Variants in CPA4 observed in about 807,000 individuals in gnomAD.
CPA4 encodes carboxypeptidase A4, also known as carboxypeptidase A3.
Under a neutral mutation model 54.7 loss-of-function variants are expected in CPA4, and 49 were observed. The ratio of observed to expected loss-of-function variants is 0.90; its 90% CI spans 0.71 to 1.14. CPA4 has a LOEUF of 1.14. CPA4 is among the 50% of genes most tolerant of loss of function. The pLI is 0.00. For missense variants in CPA4, 487 were observed against 525.1 expected (o/e 0.93, Z 0.71); for synonymous variants, 215 against 206.8 (o/e 1.04, Z -0.34).
chr7:130,306,281 G>A (rs1415288965), intron 6 of CPA4: 1 of 291,338 alleles, frequency 3.4e-6, no homozygotes, highest in Non-Finnish European at 6.5e-6. Context: ...GCAGCAGGAG[G>A]CTGAGGCAGG....
chr7:130,313,901 T>C (rs1793951117), intron 10 of CPA4, among the ~76,000 whole-genome samples: 1 of 152,234 alleles, frequency 6.6e-6, no homozygotes, highest in South Asian at 2.1e-4. Flanking sequence ...GGGGTGTTTT[T>C]TCTTTCTTGT....
chr7:130,315,112 G>A (rs1465651502), intron 10 of CPA4, among the ~76,000 whole-genome samples: 1 of 152,044 alleles, frequency 6.6e-6, no homozygotes, highest in Non-Finnish European at 1.5e-5. Flanking sequence ...GTGTGAGGGG[G>A]GGAATTGGGG....
At chr7:130,305,122 A>G (rs1441163790) in intron 5 of CPA4, among the ~76,000 whole-genome samples, 2 of 152,222 alleles carry the variant, frequency 1.3e-5, no homozygotes, top group African/African-American at 4.8e-5. Flanking sequence ...AATGAATAAG[A>G]AGGAATTTGG....
intron 10 of CPA4, among the ~76,000 whole-genome samples, chr7:130,313,515 T>C (rs1333305128): frequency 6.6e-6 from 1 of 152,160 alleles, no homozygotes; most frequent in Non-Finnish European, 1.5e-5. Context: ...AGGAGTCTAG[T>C]TGGTCTTGGG....
rs142266205 is a variant in CPA4 at position 130,311,937 on chromosome 7, G to T, written c.994-101G>T. 1,746 of 848,836 alleles carry T rather than the reference G, an allele frequency of 2.1e-3. 16 individuals are homozygous for T. Among genetic ancestry groups the T allele is most frequent in the Middle Eastern group, 4.4e-3 (13 of 2,982 alleles). 52.6% of individuals were successfully genotyped at this position (848,836 alleles called of 1,614,324 possible). A position where few individuals can be genotyped will look rare whatever the true frequency, so the allele number is the denominator to read the frequency against. On this transcript the variant is annotated intron_variant, in intron 9 of 10. Transcript: ENST00000222482. Reference sequence around the variant, plus strand: ...AACAAGGGACCAGAAAGGAAATCGGGGGGGGCTGAGAATCTTCCAAACCAT... The same window carrying T: ...AACAAGGGACCAGAAAGGAAATCGGTGGGGGCTGAGAATCTTCCAAACCAT...
chr7:130,295,848 G>T (rs899269267), intron 1 of CPA4, among the ~76,000 whole-genome samples: 1 of 152,148 alleles, frequency 6.6e-6, no homozygotes, highest in African/African-American at 2.4e-5. Flanking sequence ...GCGTGGAGGT[G>T]CATGCCTGCA....
rs1024545830 is a variant in CPA4, at chr7:130,293,193, C to G, written c.13C>G (p.Leu5Val). Residue 5 changes from leucine (L) to valine (V), a missense_variant, in exon 1 of 11, where the codon CTG (leucine) becomes GTG (valine). Coordinates refer to ENST00000222482, the MANE Select transcript of CPA4 (RefSeq NM_016352.4). MRWI[L>V]FIGALIGSSI... Reference sequence around the variant, plus strand: ...ACTCCCCGGGGACATGAGGTGGATACTGTTCATTGGGGCCCTTATTGGGTC... The same window carrying G: ...ACTCCCCGGGGACATGAGGTGGATAGTGTTCATTGGGGCCCTTATTGGGTC... 1.2e-5 allele frequency: 19 copies of G among 1,610,856 alleles called. No individual in the cohort carries two copies. Among genetic ancestry groups the G allele is most frequent in the Non-Finnish European group, 1.6e-5 (19 of 1,177,208 alleles).
At position 130,299,337 on chromosome 7, in the gene CPA4, T is replaced by C. The variant is rs756098324; in HGVS notation, c.218T>C (p.Leu73Pro). 8.7e-6 allele frequency: 14 copies of C among 1,613,444 alleles called. No individual in the cohort carries two copies. Among genetic ancestry groups the C allele is most frequent in the Non-Finnish European group, 1.2e-5 (14 of 1,179,412 alleles). ...PVDVLVPSVS[L>P]QAFKSFLRSQ... ...GATGTCCTGGTCCCATCTGTCAGTC[T>C]GCAGGCATTTAAATCCTTCCTGAGA... Residue 73 changes from leucine (L) to proline (P), a missense_variant, in exon 3 of 11, where the codon CTG becomes CCG. Coordinates refer to ENST00000222482, the MANE Select transcript of CPA4 (RefSeq NM_016352.4).
Position 130,303,911 on chromosome 7 carries a change from G to T in CPA4, c.385-567G>T, listed in dbSNP as rs542590261. 2.0e-5 allele frequency among the ~76,000 whole-genome samples: 3 copies of T among 151,382 alleles called. No individual in the cohort carries two copies. The East Asian group carries it at 5.8e-4, about 29-fold the overall frequency. On this transcript the variant is annotated intron_variant, in intron 4 of 10. Coordinates refer to ENST00000222482, the MANE Select transcript of CPA4 (RefSeq NM_016352.4). ...CCCACCTTGGCCTCCCAAAGTGTTG[G>T]GATTATAGGCATGAGCCACTGCACC...
chr7:130,310,534 T>C lies in CPA4; in HGVS notation c.794-253T>C, dbSNP rs1793894753. ...TCTCAAGGGTGATATTAATTATTTA[T>C]GACAACTGCTATTGGTACAAGGCAA... On this transcript the variant is annotated intron_variant, in intron 8 of 10. Coordinates refer to ENST00000222482, the MANE Select transcript of CPA4 (RefSeq NM_016352.4). This position sits in a 1 kb window ranked among gnomAD's most constrained non-coding sequence, Gnocchi z 4.3. Among the ~76,000 whole-genome samples the C allele has an allele frequency of 6.6e-6, 1 of 152,230 alleles. No homozygotes were observed. Among genetic ancestry groups the C allele is most frequent in the African/African-American group, 2.4e-5 (1 of 41,466 alleles).
chr7:130,304,235 T>C (rs1284352752), intron 4 of CPA4, among the ~76,000 whole-genome samples: 1 of 152,162 alleles, frequency 6.6e-6, no homozygotes, highest in African/African-American at 2.4e-5. Flanking sequence ...TGCAAAAGCC[T>C]CTCTACTCTA....
chr7:130,297,859 G>T (rs543146974), intron 1 of CPA4, among the ~76,000 whole-genome samples: 1 of 152,322 alleles, frequency 6.6e-6, no homozygotes, highest in South Asian at 2.1e-4. Context: ...CCAGCTGAGA[G>T]CATAAAGGCA....
At chr7:130,311,922 C>A (rs1280578089) in intron 9 of CPA4, 116 bp from the exon 10 acceptor site, 1 of 753,094 alleles carries the variant, frequency 1.3e-6, no homozygotes. Flanking sequence ...AACAAGGGAC[C>A]AGAAAGGAAA....
chr7:130,298,914 C>T (rs181358771), intron 2 of CPA4, 87 bp downstream of exon 2: 243 of 809,758 alleles, frequency 3.0e-4, no homozygotes, highest in Middle Eastern at 9.2e-4. Context: ...ATTTTTATTT[C>T]TGAGGAGTCT....
At chr7:130,295,460 G>A (rs972822616) in intron 1 of CPA4, among the ~76,000 whole-genome samples, 1 of 152,294 alleles carries the variant, frequency 6.6e-6, no homozygotes, top group Admixed American at 6.5e-5. Context: ...ATCCCAACAC[G>A]TCCCCCTCCC....
At position 130,303,147 on chromosome 7, in the gene CPA4, C is replaced by T. The variant is rs111351033; in HGVS notation, c.385-1331C>T. Among the ~76,000 whole-genome samples, 1,234 of 152,340 alleles carry T rather than the reference C, an allele frequency of 8.1e-3. 16 individuals are homozygous for T. The highest frequency in any genetic ancestry group is 0.029 in the African/African-American group (1,196 of 41,568). ...TATATTAATTACACATTTTCCTCCT[C>T]TGTATAGTTCCTTCTTCCAGTCTTA... On this transcript the variant is annotated intron_variant, in intron 4 of 10. Coordinates refer to ENST00000222482, the MANE Select transcript of CPA4 (RefSeq NM_016352.4).
chr7:130,296,841 C>A (rs1793657964), intron 1 of CPA4, among the ~76,000 whole-genome samples: 1 of 151,646 alleles, frequency 6.6e-6, no homozygotes, highest in Non-Finnish European at 1.5e-5. Flanking sequence ...TTAAAGATAC[C>A]CCCTCTTTGG....
intron 5 of CPA4, among the ~76,000 whole-genome samples, chr7:130,304,933 G>A (rs148050172): frequency 9.9e-4 from 151 of 152,256 alleles, no homozygotes; most frequent in African/African-American, 3.0e-3. Context: ...CTTTCAGGGG[G>A]TACTTACTGG....
intron 10 of CPA4, among the ~76,000 whole-genome samples, chr7:130,312,485 C>T (rs1291076845): frequency 6.6e-6 from 1 of 152,150 alleles, no homozygotes; most frequent in African/African-American, 2.4e-5. Flanking sequence ...GCTGTGTCCC[C>T]ACCCAGCTCT....
Sources: gnomAD v4.1 joint callset for allele counts (sites outside exome capture counted in the v4.1 genomes callset) on GRCh38, gnomAD v4.1.1 for gene constraint, Gnocchi (gnomAD v3.1) non-coding constraint, MANE v1.5 for transcripts, NCBI Gene and HGNC (gene_info 2026-07-23, HGNC 2026-07-21) for gene names.